The following AQP7B variants were observed in gnomAD, a reference collection of about 807,000 sequenced individuals.
AQP7B encodes aquaporin 7B.
At chr2:94,604,291 T>C in the AQP7B span, 2 of 1,602,026 alleles carry the variant, frequency 1.2e-6, no homozygotes, top group South Asian at 2.2e-5. Flanking sequence ...CCTGCAGCGA[T>C]GGGGAGAACT....
chr2:94,596,405 C>T, the AQP7B span, among the ~76,000 whole-genome samples: 48 of 152,268 alleles, frequency 3.2e-4, no homozygotes, highest in Non-Finnish European at 6.2e-4. Flanking sequence ...GGAAGGGAGG[C>T]AAAGGCAGCC....
At chr2:94,601,898 T>A in the AQP7B span, among the ~76,000 whole-genome samples, 1 of 151,980 alleles carries the variant, frequency 6.6e-6, no homozygotes, top group Non-Finnish European at 1.5e-5. Context: ...CGGCATTATC[T>A]GAGGAGCCGT....
At chr2:94,588,973 GT>G in the AQP7B span, among the ~76,000 whole-genome samples, 20 of 140,914 alleles carry the variant, frequency 1.4e-4, no homozygotes, top group African/African-American at 3.4e-4. Flanking sequence ...TTTCTTTTCT[GT>G]TTTTTTTTCT....
At chr2:94,594,919 G>C in the AQP7B span, 1 of 1,137,648 alleles carries the variant, frequency 8.8e-7, no homozygotes, top group Non-Finnish European at 1.3e-6. Context: ...CACCAGGGCT[G>C]TCCATGACCC....
the AQP7B span, among the ~76,000 whole-genome samples, chr2:94,597,747 G>A: frequency 6.6e-6 from 1 of 151,628 alleles, no homozygotes; most frequent in Non-Finnish European, 1.5e-5. Context: ...TGGAATTACA[G>A]GTGCATGCCA....
chr2:94,588,066 G>A, the AQP7B span, among the ~76,000 whole-genome samples: 4 of 151,934 alleles, frequency 2.6e-5, no homozygotes, highest in African/African-American at 9.7e-5. Flanking sequence ...CACCTTCTGT[G>A]TGTGTGTGTG....
At chr2:94,597,657 C>T in the AQP7B span, among the ~76,000 whole-genome samples, 6 of 131,992 alleles carry the variant, frequency 4.5e-5, no homozygotes, top group East Asian at 2.3e-4. Context: ...CTTCCTTTGT[C>T]GCAGTGGTGC....
At chr2:94,597,488 G>T in the AQP7B span, among the ~76,000 whole-genome samples, 1 of 152,044 alleles carries the variant, frequency 6.6e-6, no homozygotes, top group Non-Finnish European at 1.5e-5. Context: ...TGTGAAGTAG[G>T]TACTATTATT....
the AQP7B span, among the ~76,000 whole-genome samples, chr2:94,596,183 G>A: frequency 1.3e-5 from 2 of 152,246 alleles, no homozygotes; most frequent in Non-Finnish European, 1.5e-5. Flanking sequence ...GTTTGGCAAC[G>A]TGGAGGTTGC....
chr2:94,593,620 G>A, the AQP7B span, among the ~76,000 whole-genome samples: 1 of 151,816 alleles, frequency 6.6e-6, no homozygotes, highest in Non-Finnish European at 1.5e-5. Context: ...GAAGTAGCTG[G>A]GATTACAGGC....
At chr2:94,595,866 G>A in the AQP7B span, among the ~76,000 whole-genome samples, 1 of 152,260 alleles carries the variant, frequency 6.6e-6, no homozygotes, top group East Asian at 1.9e-4. Context: ...ACAGGCAAGG[G>A]GCTGGAGCTC....
the AQP7B span, chr2:94,603,394 C>T: frequency 7.1e-4 from 1,134 of 1,607,058 alleles, 9 homozygotes; most frequent in East Asian, 0.023. Flanking sequence ...GGCCATTCTC[C>T]ACTTTTCGGG....
At chr2:94,595,631 G>A in the AQP7B span, among the ~76,000 whole-genome samples, 2 of 152,088 alleles carry the variant, frequency 1.3e-5, no homozygotes, top group African/African-American at 4.8e-5. Context: ...CTGGCAAGAG[G>A]GAACAAGTTA....
At chr2:94,589,668 A>G in the AQP7B span, among the ~76,000 whole-genome samples, 7 of 152,110 alleles carry the variant, frequency 4.6e-5, no homozygotes, top group Non-Finnish European at 7.4e-5. Flanking sequence ...CTCTGTTGAC[A>G]TCATTGCCTC....
the AQP7B span, among the ~76,000 whole-genome samples, chr2:94,596,206 C>A: frequency 6.6e-6 from 1 of 152,234 alleles, no homozygotes; most frequent in Non-Finnish European, 1.5e-5. Flanking sequence ...GTAACCTTGA[C>A]AAGGGTTCTT....
chr2:94,594,537 G>A, the AQP7B span, among the ~76,000 whole-genome samples: 3,093 of 152,330 alleles, frequency 0.02, 42 homozygotes, highest in Non-Finnish European at 0.035. Flanking sequence ...AAGGGGCATG[G>A]CCTGGCCATC....
At chr2:94,592,077 C>T in the AQP7B span, among the ~76,000 whole-genome samples, 1 of 152,148 alleles carries the variant, frequency 6.6e-6, no homozygotes, top group African/African-American at 2.4e-5. Flanking sequence ...GTCTTGCCTG[C>T]TGTGTGGTGA....
chr2:94,604,617 G>T, the AQP7B span: 4 of 1,514,250 alleles, frequency 2.6e-6, no homozygotes, highest in Non-Finnish European at 3.6e-6. Context: ...ATAAAGCAAA[G>T]CTTGTCCCAC....
chr2:94,600,706 T>G, the AQP7B span, among the ~76,000 whole-genome samples: 1 of 152,064 alleles, frequency 6.6e-6, no homozygotes, highest in Admixed American at 6.5e-5. Flanking sequence ...CGTGAAACCC[T>G]GTCTCTACTA....
Sources: gnomAD v4.1 joint callset for allele counts (sites outside exome capture counted in the v4.1 genomes callset) on GRCh38, gnomAD v4.1.1 for gene constraint, MANE v1.5 for transcripts, NCBI Gene and HGNC (gene_info 2026-07-23, HGNC 2026-07-21) for gene names.